Variants in EXOC4 observed in about 807,000 individuals in gnomAD.
The protein encoded by EXOC4 is exocyst complex component 4.
A neutral mutation model predicts 107.2 loss-of-function variants in EXOC4; 71 were observed. The ratio of observed to expected loss-of-function variants is 0.66; its 90% confidence interval spans 0.55 to 0.81. EXOC4 has a LOEUF of 0.81. Among genes scored for constraint, EXOC4 ranks in the 30% least tolerant of loss-of-function variants. The probability of loss-of-function intolerance (pLI) is 0.00; values close to 1 mark genes in which losing one functional copy is unlikely to be tolerated. For missense variants in EXOC4, 1,108 were observed against 1,189.6 expected (o/e 0.93, Z 1.01); for synonymous variants, 456 against 441.2 (o/e 1.03, Z -0.42).
intron 17 of EXOC4, among the ~76,000 whole-genome samples, chr7:134,035,513 G>A (rs777252078): frequency 9.9e-5 from 15 of 151,988 alleles, no homozygotes; most frequent in Non-Finnish European, 1.6e-4. Flanking sequence ...AAGAAGGAGA[G>A]CAGTATTACA....
At chr7:133,386,031 A>G (rs1377894575) in intron 7 of EXOC4, among the ~76,000 whole-genome samples, 3 of 151,818 alleles carry the variant, frequency 2.0e-5, no homozygotes, top group African/African-American at 7.3e-5. Flanking sequence ...CAGGATTTCA[A>G]GTTTTTTTTT....
chr7:133,382,205 CAA>C (rs1796633846), intron 7 of EXOC4, among the ~76,000 whole-genome samples: 1 of 152,088 alleles, frequency 6.6e-6, no homozygotes, highest in African/African-American at 2.4e-5. Context: ...GAGAAGTAAA[CAA>C]GACAGGCTTT....
chr7:133,319,751 AT>A (rs971019549), intron 5 of EXOC4, among the ~76,000 whole-genome samples: 3 of 150,064 alleles, frequency 2.0e-5, no homozygotes, highest in Admixed American at 1.3e-4. Context: ...AAGTGTTTGG[AT>A]TACAGTCATG....
intron 10 of EXOC4, among the ~76,000 whole-genome samples, chr7:133,781,635 C>T (rs938364353): frequency 1.3e-5 from 2 of 152,208 alleles, no homozygotes; most frequent in Admixed American, 6.5e-5. Flanking sequence ...AGCCCAGCTG[C>T]CCACGTACTT....
intron 9 of EXOC4, among the ~76,000 whole-genome samples, chr7:133,573,451 A>G (rs941542681): frequency 3.9e-5 from 6 of 152,150 alleles, no homozygotes; most frequent in African/African-American, 1.2e-4. Flanking sequence ...CTTCTCTGAT[A>G]AGTCATCATC....
chr7:133,421,750 G>C (rs894166683), intron 7 of EXOC4, among the ~76,000 whole-genome samples: 13 of 152,162 alleles, frequency 8.5e-5, no homozygotes, highest in Non-Finnish European at 1.8e-4. Flanking sequence ...GAGCCAATAA[G>C]TGTGTACTTA....
At chr7:133,484,265 A>T (rs1403755409) in intron 9 of EXOC4, 5 of 1,250,470 alleles carry the variant, frequency 4.0e-6, no homozygotes, top group Admixed American at 5.9e-5. Context: ...ATGGTTCATT[A>T]TATAGTCTGC....
At chr7:133,851,020 A>T (rs967282280) in intron 11 of EXOC4, among the ~76,000 whole-genome samples, 13 of 152,206 alleles carry the variant, frequency 8.5e-5, no homozygotes, top group African/African-American at 3.1e-4. Flanking sequence ...TTCCCCTGGA[A>T]AATGTCCAGT....
At chr7:133,788,377 A>T (rs1393993743) in intron 10 of EXOC4, among the ~76,000 whole-genome samples, 1 of 151,958 alleles carries the variant, frequency 6.6e-6, no homozygotes, top group African/African-American at 2.4e-5. Context: ...TTTCCAAAAC[A>T]AAACTCATGA....
At chr7:133,332,950 C>T (rs968434939) in intron 5 of EXOC4, among the ~76,000 whole-genome samples, 5 of 152,024 alleles carry the variant, frequency 3.3e-5, no homozygotes, top group Admixed American at 2.6e-4. Flanking sequence ...TTTTTAGCAC[C>T]TACTTTGCTA....
chr7:133,672,006 A>G (rs928414013), intron 10 of EXOC4, among the ~76,000 whole-genome samples: 4 of 152,194 alleles, frequency 2.6e-5, no homozygotes, highest in African/African-American at 4.8e-5. Flanking sequence ...AGCACTGTCC[A>G]AAAGAACTTT....
At chr7:133,652,090 A>G (rs1194088465) in intron 10 of EXOC4, among the ~76,000 whole-genome samples, 1 of 152,210 alleles carries the variant, frequency 6.6e-6, no homozygotes, top group Non-Finnish European at 1.5e-5. Flanking sequence ...TTCGGCTGTG[A>G]TGTCGATGGT....
At chr7:133,831,315 T>C (rs1297019082) in intron 11 of EXOC4, among the ~76,000 whole-genome samples, 13 of 152,208 alleles carry the variant, frequency 8.5e-5, no homozygotes, top group East Asian at 3.9e-4. Flanking sequence ...AATGTAGTTA[T>C]GCTCTACTTC....
At chr7:134,090,751 C>G in the EXOC4 span, among the ~76,000 whole-genome samples, 1 of 152,052 alleles carries the variant, frequency 6.6e-6, no homozygotes, top group African/African-American at 2.4e-5. Context: ...CTCCCCATGT[C>G]CCATGATCCC....
chr7:133,818,250 C>T (rs185245089), intron 11 of EXOC4, among the ~76,000 whole-genome samples: 6 of 152,144 alleles, frequency 3.9e-5, no homozygotes, highest in East Asian at 1.9e-4. Context: ...ACTATTATTA[C>T]GTTGGAATTG....
chr7:133,316,643 AGTTT>A (rs1418463024), intron 4 of EXOC4, among the ~76,000 whole-genome samples: 2 of 152,192 alleles, frequency 1.3e-5, no homozygotes, highest in Non-Finnish European at 2.9e-5. Flanking sequence ...AAAGTTTATT[AGTTT>A]ATTTAAAGTT....
intron 9 of EXOC4, among the ~76,000 whole-genome samples, chr7:133,532,161 A>G (rs1800192969): frequency 6.6e-6 from 1 of 152,070 alleles, no homozygotes; most frequent in African/African-American, 2.4e-5. Flanking sequence ...TAGATAAGGA[A>G]TGCTCAGTCT....
chr7:133,837,749 T>C (rs1797946970), intron 11 of EXOC4, among the ~76,000 whole-genome samples: 2 of 152,224 alleles, frequency 1.3e-5, no homozygotes, highest in Non-Finnish European at 2.9e-5. Context: ...CACTGTTTAT[T>C]GGTTAGAAGA....
At chr7:133,553,773 C>G (rs946010927) in intron 9 of EXOC4, among the ~76,000 whole-genome samples, 2 of 152,044 alleles carry the variant, frequency 1.3e-5, no homozygotes, top group Non-Finnish European at 2.9e-5. Context: ...TTGTTCCCAA[C>G]AAAGTGAGAG....
Sources: allele counts gnomAD v4.1 joint callset (sites outside exome capture counted in the v4.1 genomes callset), GRCh38; gene constraint gnomAD v4.1.1; transcripts MANE v1.5; gene names NCBI Gene and HGNC (gene_info 2026-07-23, HGNC 2026-07-21).